SUMF1: variants seen among roughly 807,000 people sequenced by gnomAD.
SUMF1 encodes the protein formylglycine-generating enzyme.
In SUMF1, 48 loss-of-function variants were observed where a neutral mutation model predicts 47.6. That is an observed-to-expected ratio of 1.01 (90% CI 0.80 to 1.28). The LOEUF is 1.28. Among genes scored for constraint, SUMF1 ranks in the 50% most tolerant of loss-of-function variants. The pLI, the probability that SUMF1 is intolerant of heterozygous loss-of-function variation, is 0.00. For missense variants in SUMF1, 571 were observed against 485.4 expected (o/e 1.18, Z -1.66); for synonymous variants, 230 against 192.1 (o/e 1.20, Z -1.63).
chr3:4,345,292 A>C (rs1024092937), intron 8 of SUMF1, among the ~76,000 whole-genome samples: 3 of 152,218 alleles, frequency 2.0e-5, no homozygotes, highest in African/African-American at 7.2e-5. Flanking sequence ...CAGAAAGGTC[A>C]GGTTACCCAC....
At chr3:4,254,244 C>T (rs1049900517) in intron 8 of SUMF1, among the ~76,000 whole-genome samples, 13 of 151,908 alleles carry the variant, frequency 8.6e-5, no homozygotes, top group African/African-American at 1.9e-4. Context: ...TCAACAGCAA[C>T]GGAACAAAGC....
intron 8 of SUMF1, among the ~76,000 whole-genome samples, chr3:4,301,419 T>C (rs1697962212): frequency 6.6e-6 from 1 of 152,202 alleles, no homozygotes; most frequent in Admixed American, 6.5e-5. Flanking sequence ...AATAAGAATC[T>C]AAGCAGCAAA....
intron 8 of SUMF1, among the ~76,000 whole-genome samples, chr3:4,154,426 T>C (rs1694407058): frequency 6.6e-6 from 1 of 151,580 alleles, no homozygotes; most frequent in African/African-American, 2.4e-5. Flanking sequence ...AATAAGATAG[T>C]TAACACTTAT....
At chr3:4,442,342 G>A (rs1237016891) in intron 3 of SUMF1, among the ~76,000 whole-genome samples, 4 of 149,684 alleles carry the variant, frequency 2.7e-5, no homozygotes, top group Admixed American at 6.7e-5. Flanking sequence ...TGCAAGCTCC[G>A]CCTCCCGGGT....
chr3:4,383,614 T>A (rs1700579207), intron 7 of SUMF1, among the ~76,000 whole-genome samples: 1 of 152,212 alleles, frequency 6.6e-6, no homozygotes, highest in Admixed American at 6.5e-5. Context: ...GTTTGTTTCC[T>A]GGCCAGAACA....
chr3:4,109,305 G>A (rs1236392973), intron 8 of SUMF1, among the ~76,000 whole-genome samples: 1 of 152,280 alleles, frequency 6.6e-6, no homozygotes, highest in Non-Finnish European at 1.5e-5. Flanking sequence ...CTGTAAGTCT[G>A]ATGGGCTTCC....
chr3:4,056,224 G>A (rs1189935399), intron 9 of SUMF1, among the ~76,000 whole-genome samples: 2 of 152,118 alleles, frequency 1.3e-5, no homozygotes, highest in African/African-American at 2.4e-5. Flanking sequence ...TAGCAGAGTT[G>A]TCTTCTGATC....
chr3:4,176,295 C>A (rs1399891358), intron 8 of SUMF1, among the ~76,000 whole-genome samples: 2 of 152,080 alleles, frequency 1.3e-5, no homozygotes, highest in Admixed American at 1.3e-4. Context: ...AGAGAAAGGT[C>A]GAGTTACTCA....
intron 1 of SUMF1, among the ~76,000 whole-genome samples, chr3:4,466,625 G>C (rs890400843): frequency 6.6e-6 from 1 of 152,152 alleles, no homozygotes; most frequent in Non-Finnish European, 1.5e-5. Flanking sequence ...AAGATACTGA[G>C]ACCCAGGATC....
At chr3:4,049,021 C>T (rs947223153) in intron 9 of SUMF1, among the ~76,000 whole-genome samples, 1 of 152,122 alleles carries the variant, frequency 6.6e-6, no homozygotes. Context: ...AGTTTTCTAA[C>T]CTAACAGATA....
intron 8 of SUMF1, among the ~76,000 whole-genome samples, chr3:4,304,939 GTTTGGTT>G (rs1289092018): frequency 6.6e-6 from 1 of 151,312 alleles, no homozygotes; most frequent in Non-Finnish European, 1.5e-5. Flanking sequence ...ATGTACATGG[GTTTGGTT>G]CAGAAGGCGG....
chr3:4,439,734 T>G (rs1471269323), intron 3 of SUMF1, among the ~76,000 whole-genome samples: 1 of 151,836 alleles, frequency 6.6e-6, no homozygotes, highest in Non-Finnish European at 1.5e-5. Flanking sequence ...ATTTTTATTT[T>G]TTTTTTAATA....
chr3:4,303,097 G>T (rs1698013047), intron 8 of SUMF1, among the ~76,000 whole-genome samples: 1 of 152,166 alleles, frequency 6.6e-6, no homozygotes, highest in Non-Finnish European at 1.5e-5. Context: ...CACCTCGAAA[G>T]CCCCCTCTCT....
chr3:4,236,284 T>G (rs1300154001), intron 8 of SUMF1, among the ~76,000 whole-genome samples: 1 of 152,074 alleles, frequency 6.6e-6, no homozygotes, highest in African/African-American at 2.4e-5. Flanking sequence ...TGAGCTAACT[T>G]TCTCATATTC....
chr3:4,313,133 G>A lies in SUMF1; in HGVS notation c.1014+63197C>T, dbSNP rs750562265. 3.7e-5 allele frequency: 60 copies of A among 1,613,916 alleles called. No homozygotes were observed. The highest frequency in any genetic ancestry group is 5.0e-5 in the Non-Finnish European group (59 of 1,179,958). ...CGATGCAGTGACCACTGCAGAAACA[G>A]AGTGGTCCAGAAAGGTCTACAGTTC... On this transcript the variant is annotated intron_variant and NMD_transcript_variant, in intron 8 of 12. Transcript: ENST00000448413.
chr3:4,444,648 G>T (rs559878868), intron 3 of SUMF1, among the ~76,000 whole-genome samples: 3 of 152,124 alleles, frequency 2.0e-5, no homozygotes, highest in Non-Finnish European at 4.4e-5. Context: ...ATCATCCCCT[G>T]TGTCCTTGAA....
chr3:4,186,102 C>G (rs1159412358), intron 8 of SUMF1, among the ~76,000 whole-genome samples: 1 of 152,086 alleles, frequency 6.6e-6, no homozygotes, highest in Non-Finnish European at 1.5e-5. Context: ...CAAATACACC[C>G]AAGATGTTAC....
intron 8 of SUMF1, among the ~76,000 whole-genome samples, chr3:4,117,717 C>T (rs1458047506): frequency 3.3e-5 from 5 of 151,896 alleles, no homozygotes; most frequent in South Asian, 2.1e-4. Flanking sequence ...TGGAGCACGG[C>T]ATTAGAAATC....
intron 8 of SUMF1, among the ~76,000 whole-genome samples, chr3:4,080,558 C>T (rs771961118): frequency 1.6e-4 from 25 of 152,098 alleles, no homozygotes; most frequent in Middle Eastern, 3.2e-3. Context: ...GGTTTTTATT[C>T]ATTTTCTGAT....
Sources: gnomAD v4.1 joint callset for allele counts (sites outside exome capture counted in the v4.1 genomes callset) on GRCh38, gnomAD v4.1.1 for gene constraint, MANE v1.5 for transcripts, NCBI Gene and HGNC (gene_info 2026-07-23, HGNC 2026-07-21) for gene names.